HSPG2: variants seen among roughly 807,000 people sequenced by gnomAD.
HSPG2 encodes heparan sulfate proteoglycan 2.
In HSPG2, 278 loss-of-function variants were observed where a neutral mutation model predicts 526.6. The ratio of observed to expected loss-of-function variants is 0.53; its 90% CI spans 0.48 to 0.58. The LOEUF (loss-of-function observed/expected upper bound fraction) is 0.58, where lower values mean the gene tolerates loss of function less well. HSPG2 is among the 20% of genes least tolerant of loss of function. The pLI is 0.00. For missense variants in HSPG2, 5,354 were observed against 6,099.5 expected, an observed-to-expected ratio of 0.88 and a Z score of 4.07; for synonymous variants, 2,465 against 2,555.4, an observed-to-expected ratio of 0.96 and a Z score of 1.07.
chr1:21,829,994 T>A lies in HSPG2; in HGVS notation c.11769A>T (p.Glu3923Asp). The change falls in exon 86 of 97, where the codon GAA becomes GAT. Residue 3923 changes from glutamate to aspartate, a missense_variant and splice_region_variant. Glu to Asp is a conservative substitution (Grantham distance 45). Coordinates refer to ENST00000374695, the MANE Select transcript of HSPG2 (RefSeq NM_005529.7). ...HLGRSGLRCEEGVTVTTPSLS... is the reference protein window; with the variant it reads ...HLGRSGLRCEDGVTVTTPSLS... ...GGTCTCAGGCCTGGCTCCCCTCACC[T>A]TCCTCACACCGCAACCCCGAGCGGC... 6.2e-7 allele frequency: 1 copy of A among 1,606,334 alleles called. No homozygotes were observed. Among genetic ancestry groups the A allele is most frequent in the Non-Finnish European group, 8.5e-7 (1 of 1,177,112 alleles).
chr1:21,846,035 G>A (rs1638403394), intron 64 of HSPG2, 73 bp downstream of exon 64: 12 of 1,553,946 alleles, frequency 7.7e-6, no homozygotes, highest in Non-Finnish European at 9.7e-6. Flanking sequence ...GTTTCCTTCT[G>A]CCAGTTCTGC....
rs369960161 is a variant in HSPG2, at chr1:21,887,977, G to A, written c.664C>T (p.Arg222Trp). The A allele has an allele frequency of 3.1e-5, 50 of 1,614,018 alleles. No individual in the cohort carries two copies. Among genetic ancestry groups the A allele is most frequent in the Non-Finnish European group, 3.6e-5 (43 of 1,180,048 alleles). The change falls in exon 7 of 97, where the codon CGG becomes TGG. Residue 222 changes from arginine to tryptophan, a missense_variant. Arg to Trp is a moderately radical substitution (Grantham distance 101). Coordinates refer to ENST00000374695, the MANE Select transcript of HSPG2 (RefSeq NM_005529.7). The surrounding 1 kb of genome is among the most constrained non-coding windows in gnomAD (Gnocchi z 5.0). Reference sequence around the variant, plus strand: ...TCAGACATGTCCCTGCAGTCGGGCCGCCGGTCACAGCGATACTCCAGGGCC... The same window carrying A: ...TCAGACATGTCCCTGCAGTCGGGCCACCGGTCACAGCGATACTCCAGGGCC... ...CVALEYRCDR[R>W]PDCRDMSDEL...
intron 1 of HSPG2, among the ~76,000 whole-genome samples, chr1:21,901,349 G>A (rs1024254021): frequency 2.0e-5 from 3 of 152,106 alleles, no homozygotes; most frequent in African/African-American, 7.2e-5. Context: ...TGCAGAGGGT[G>A]CATGGTAGGG....
chr1:21,926,478 C>A (rs1010452844), intron 1 of HSPG2, among the ~76,000 whole-genome samples: 5 of 151,962 alleles, frequency 3.3e-5, no homozygotes, highest in African/African-American at 4.8e-5. Context: ...GGCTGCTGGG[C>A]GTGGTGGCTC....
At chr1:21,922,849 C>T (rs1410810551) in intron 1 of HSPG2, among the ~76,000 whole-genome samples, 2 of 152,154 alleles carry the variant, frequency 1.3e-5, no homozygotes, top group East Asian at 3.9e-4. Context: ...ATCCCAGTAC[C>T]CCCTCCTCGA....
chr1:21,850,531 C>G, intron 55 of HSPG2, 33 bp from the exon 56 acceptor site: 1 of 1,574,104 alleles, frequency 6.4e-7, no homozygotes, highest in Non-Finnish European at 8.6e-7. Context: ...AGAGGGAGCC[C>G]TCAGGAGACC....
intron 83 of HSPG2, 29 bp from the exon 84 acceptor site, chr1:21,831,353 A>G: frequency 6.2e-7 from 1 of 1,606,718 alleles, no homozygotes; most frequent in Non-Finnish European, 8.5e-7. Context: ...GGATGAGCAC[A>G]GGGCAGGGTG....
chr1:21,919,066 T>A (rs545069671), intron 1 of HSPG2, among the ~76,000 whole-genome samples: 1 of 152,192 alleles, frequency 6.6e-6, no homozygotes, highest in East Asian at 1.9e-4. Flanking sequence ...TGGAATGACT[T>A]TGGGGAAATG....
At chr1:21,827,781 T>C in intron 91 of HSPG2, 82 bp downstream of exon 91, 2 of 1,415,464 alleles carry the variant, frequency 1.4e-6, no homozygotes, top group Non-Finnish European at 1.9e-6. Flanking sequence ...CTGTTTTGCT[T>C]GCAGGCCAGA....
rs1557711684 is a variant in HSPG2 at position 21,849,649 on chromosome 1, G to A, written c.7446+392C>T. ...CACAGCATGCAAGTAGCGGAACAGTGTCTGAACTCGAACATGCCTGAGTTC... is the reference window on the plus strand; with the variant it reads ...CACAGCATGCAAGTAGCGGAACAGTATCTGAACTCGAACATGCCTGAGTTC... On this transcript the variant is annotated intron_variant, in intron 57 of 96. Coordinates refer to ENST00000374695, the MANE Select transcript of HSPG2 (RefSeq NM_005529.7). 2.0e-5 allele frequency among the ~76,000 whole-genome samples: 3 copies of A among 151,842 alleles called. No homozygotes were observed. The South Asian group carries it at 6.2e-4, about 31-fold the overall frequency.
Position 21,895,941 on chromosome 1 carries a change from G to A in HSPG2, c.225C>T (p.Gly75=), listed in dbSNP as rs756957120. 4 of 1,614,076 alleles carry A rather than the reference G, an allele frequency of 2.5e-6. No individual in the cohort carries two copies. The highest frequency in any genetic ancestry group is 2.2e-5 in the East Asian group (1 of 44,870). Residue 75 remains glycine, a synonymous_variant, in exon 3 of 97, where the codon GGC becomes GGT. Coordinates refer to ENST00000374695, the MANE Select transcript of HSPG2 (RefSeq NM_005529.7). This position sits in a 1 kb window ranked among gnomAD's most constrained non-coding sequence, Gnocchi z 4.1. ...ACTTACCCATCTGGAAGTCCCCGCT[G>A]CCCAGGTCCCCACTGCCCAGGTCGT... The part of the protein sequence containing the change: ...SGDDLGSGDL[G]SGDFQMVYFR...
rs368640401 is a variant in HSPG2 at position 21,865,402 on chromosome 1, G to C, written c.4315-37C>G. The C allele has an allele frequency of 7.6e-6, 12 of 1,584,308 alleles. No individual in the cohort carries two copies. The highest frequency in any genetic ancestry group is 1.0e-5 in the Non-Finnish European group (12 of 1,153,608). On this transcript the variant is annotated intron_variant, in intron 34 of 96. Transcript: ENST00000374695. This position sits in a 1 kb window ranked among gnomAD's most constrained non-coding sequence, Gnocchi z 5.4. Reference sequence around the variant, plus strand: ...CCAGCAGGATTGGAAGGGGAGCCGAGGGGTCCCTGGGGTGCCAGGGTGTCC... The same window carrying C: ...CCAGCAGGATTGGAAGGGGAGCCGACGGGTCCCTGGGGTGCCAGGGTGTCC...
rs747050010 is a variant in HSPG2, at chr1:21,839,982, A to G, written c.9549T>C (p.Tyr3183=). 9 of 1,614,112 alleles carry G rather than the reference A, an allele frequency of 5.6e-6. No individual in the cohort carries two copies. Among genetic ancestry groups the G allele is most frequent in the African/African-American group, 2.7e-5 (2 of 74,950 alleles). The part of the protein sequence containing the change: ...SSAKPSDAGT[Y]VCLAQNALGT... ...CTAGTGCATTCTGAGCAAGGCACAC[A>G]TAAGTGCCCGCATCTGATGGTTTAG... Residue 3183 remains tyrosine (Y), a synonymous_variant, in exon 72 of 97, where the codon TAT becomes TAC. Coordinates refer to ENST00000374695, the MANE Select transcript of HSPG2 (RefSeq NM_005529.7). The surrounding 1 kb of genome is among the most constrained non-coding windows in gnomAD (Gnocchi z 4.5).
chr1:21,872,573 G>T lies in HSPG2; in HGVS notation c.4029+47C>A. On this transcript the variant is annotated intron_variant, in intron 32 of 96. Transcript: ENST00000374695. The surrounding 1 kb of genome is among the most constrained non-coding windows in gnomAD (Gnocchi z 5.5). ...TCAGTGCTCAGATGGACAGTAACAGGCAGCAGGTGGCAACACCGCCTGGGG... is the reference window on the plus strand; with the variant it reads ...TCAGTGCTCAGATGGACAGTAACAGTCAGCAGGTGGCAACACCGCCTGGGG... 1 of 1,557,070 alleles carries T rather than the reference G, an allele frequency of 6.4e-7. No individual in the cohort carries two copies. Among genetic ancestry groups the T allele is most frequent in the East Asian group, 2.4e-5 (1 of 42,144 alleles).
chr1:21,847,385 G>A lies in HSPG2; in HGVS notation c.8133C>T (p.Ile2711=). The change falls in exon 62 of 97, where the codon ATC becomes ATT. Residue 2711 remains isoleucine (I), a synonymous_variant. Transcript: ENST00000374695. This position sits in a 1 kb window ranked among gnomAD's most constrained non-coding sequence, Gnocchi z 4.1. The stretch of plus-strand genomic sequence containing the variant: ...GGCTGCCGGCGCTAGGGGAGACGGA[G>A]ATGACGATGGAGGCCTCCAGGGCAT... ...NIDALEASIV[I]SVSPSAGSPS... The A allele has an allele frequency of 6.2e-7, 1 of 1,614,024 alleles. No individual in the cohort carries two copies. The highest frequency in any genetic ancestry group is 8.5e-7 in the Non-Finnish European group (1 of 1,180,042).
chr1:21,894,282 T>C (rs757684939), intron 3 of HSPG2, among the ~76,000 whole-genome samples: 4 of 151,900 alleles, frequency 2.6e-5, no homozygotes, highest in Admixed American at 6.6e-5. Context: ...GTCCAGGGTC[T>C]GGGACTGGGC....
chr1:21,856,698 T>C (rs1221514790), intron 44 of HSPG2, among the ~76,000 whole-genome samples: 4 of 152,218 alleles, frequency 2.6e-5, no homozygotes, highest in Admixed American at 6.5e-5. Flanking sequence ...CTTACAGGTG[T>C]GAGCCACCGC....
chr1:21,936,301 C>T (rs1644486551), intron 1 of HSPG2, among the ~76,000 whole-genome samples: 1 of 152,190 alleles, frequency 6.6e-6, no homozygotes, highest in South Asian at 2.1e-4. Context: ...CGTAGAATTC[C>T]CTTTTCCTCC....
At chr1:21,846,316 TG>T in intron 63 of HSPG2, 61 bp from the exon 64 acceptor site, 1 of 1,610,806 alleles carries the variant, frequency 6.2e-7, no homozygotes, top group East Asian at 2.2e-5. Context: ...GTTGAAGGCC[TG>T]GGGCCAGGGT....
Sources: gnomAD v4.1 joint callset for allele counts (sites outside exome capture counted in the v4.1 genomes callset) on GRCh38, gnomAD v4.1.1 for gene constraint, Gnocchi (gnomAD v3.1) non-coding constraint, MANE v1.5 for transcripts, NCBI Gene and HGNC (gene_info 2026-07-23, HGNC 2026-07-21) for gene names.